The following HECTD2 variants were observed in gnomAD, a reference collection of about 807,000 sequenced individuals.
The protein encoded by HECTD2 is HECT domain E3 ubiquitin protein ligase 2.
In HECTD2, 35 loss-of-function variants were observed where a neutral mutation model predicts 103.2. The ratio of observed to expected loss-of-function variants is 0.34; its 90% CI spans 0.26 to 0.45. The LOEUF is 0.45. Among genes scored for constraint, HECTD2 ranks in the 20% least tolerant of loss-of-function variants. The pLI is 1.00. For synonymous variants in HECTD2, 281 were observed against 329.9 expected (o/e 0.85, Z 1.61); for missense variants, 596 against 937.4 (o/e 0.64, Z 4.76).
Position 91,513,361 on chromosome 10 carries a change from AAGAT to A in HECTD2, c.*980_*983del, listed in dbSNP as rs1258848111. ...TGTACCAAAACACTAATTTTTGAAAAAGATAGGTTAAAGTATTTGACAAAAGTGA... is the reference window on the plus strand; with the variant it reads ...TGTACCAAAACACTAATTTTTGAAAAAGGTTAAAGTATTTGACAAAAGTGA... On this transcript the variant is annotated 3_prime_UTR_variant, in exon 21 of 21. Coordinates refer to ENST00000298068, the MANE Select transcript of HECTD2 (RefSeq NM_182765.6). 11 of 152,634 alleles carry A rather than the reference AAGAT, an allele frequency of 7.2e-5. No homozygotes were observed. Among genetic ancestry groups the A allele is most frequent in the African/African-American group, 2.7e-4 (11 of 41,458 alleles). The allele number at this position is 152,634 out of a possible 1,614,324, so 9.5% of individuals were successfully genotyped here.
intron 2 of HECTD2, among the ~76,000 whole-genome samples, chr10:91,439,498 GT>G (rs1468493742): frequency 1.1e-4 from 16 of 152,088 alleles, no homozygotes; most frequent in African/African-American, 3.9e-4. Context: ...TTGTAGTATA[GT>G]TTGCAGTCAG....
Position 91,410,555 on chromosome 10 carries a change from G to C in HECTD2, c.117G>C (p.Ser39=). ...SEREKLPPIV[S]AGAGATAGLD... ...GCGAGAAGCTGCCGCCCATCGTATCGGCGGGCGCCGGCGCGACCGCGGTAG... is the reference window on the plus strand; with the variant it reads ...GCGAGAAGCTGCCGCCCATCGTATCCGCGGGCGCCGGCGCGACCGCGGTAG... Residue 39 remains serine (S), a synonymous_variant, in exon 1 of 21, where the codon TCG becomes TCC. Transcript: ENST00000298068. The C allele has an allele frequency of 6.9e-7, 1 of 1,439,820 alleles. No homozygotes were observed. Among genetic ancestry groups the C allele is most frequent in the African/African-American group, 1.5e-5 (1 of 67,938 alleles). 89.2% of individuals were successfully genotyped at this position (1,439,820 alleles called of 1,614,324 possible).
intron 5 of HECTD2, among the ~76,000 whole-genome samples, chr10:91,466,193 A>G (rs951467273): frequency 1.1e-4 from 16 of 152,108 alleles, no homozygotes; most frequent in Non-Finnish European, 2.9e-5. Flanking sequence ...TATCTAGGTT[A>G]TCAAATTTGT....
chr10:91,461,580 A>G (rs939707274), intron 4 of HECTD2, among the ~76,000 whole-genome samples: 3 of 151,888 alleles, frequency 2.0e-5, no homozygotes, highest in African/African-American at 7.3e-5. Context: ...ATGGAGTCTC[A>G]CTCTGTTGCC....
chr10:91,421,604 G>C (rs996616713), intron 1 of HECTD2, among the ~76,000 whole-genome samples: 1 of 152,172 alleles, frequency 6.6e-6, no homozygotes, highest in African/African-American at 2.4e-5. Context: ...TGGGGGCTGT[G>C]GGTTGGACAA....
At chr10:91,469,435 T>C (rs556758030) in intron 5 of HECTD2, among the ~76,000 whole-genome samples, 6 of 152,294 alleles carry the variant, frequency 3.9e-5, no homozygotes, top group East Asian at 1.9e-4. Flanking sequence ...ACAGAAGAGA[T>C]TGGGAGCCTA....
chr10:91,467,531 G>T (rs1000146243), intron 5 of HECTD2, among the ~76,000 whole-genome samples: 2 of 152,004 alleles, frequency 1.3e-5, no homozygotes, highest in Non-Finnish European at 2.9e-5. Context: ...GTGCACCCTC[G>T]ATGCCCAACC....
At chr10:91,432,320 T>C (rs1399632170) in intron 2 of HECTD2, among the ~76,000 whole-genome samples, 1 of 151,932 alleles carries the variant, frequency 6.6e-6, no homozygotes, top group African/African-American at 2.4e-5. Context: ...CTTCAAGTGA[T>C]ATTAGGGAAA....
intron 2 of HECTD2, among the ~76,000 whole-genome samples, chr10:91,456,962 G>A (rs918729544): frequency 6.6e-6 from 1 of 151,998 alleles, no homozygotes; most frequent in Admixed American, 6.6e-5. Context: ...ACAGAAAAAG[G>A]TAGATTGTCA....
chr10:91,458,424 A>T (rs889777154), intron 2 of HECTD2, among the ~76,000 whole-genome samples: 1 of 151,980 alleles, frequency 6.6e-6, no homozygotes, highest in Non-Finnish European at 1.5e-5. Flanking sequence ...GTTGATATAG[A>T]TAAGATTATT....
At chr10:91,411,385 T>A (rs1842912449) in intron 1 of HECTD2, among the ~76,000 whole-genome samples, 1 of 152,246 alleles carries the variant, frequency 6.6e-6, no homozygotes, top group Admixed American at 6.5e-5. Flanking sequence ...TGCAATTTTT[T>A]ATTTTGACAT....
At position 91,498,917 on chromosome 10, in the gene HECTD2, C is replaced by T. The variant is rs1410860397; in HGVS notation, c.1801C>T (p.Pro601Ser). The T allele has an allele frequency of 6.2e-7, 1 of 1,606,686 alleles. No individual in the cohort carries two copies. The highest frequency in any genetic ancestry group is 1.1e-5 in the South Asian group (1 of 90,282). ...FGIIKSYNLKPGGDKISVTNQ... is the reference protein window; with the variant it reads ...FGIIKSYNLKSGGDKISVTNQ... ...AATAATCAAGTCCTATAATTTAAAG[C>T]CCGGTGGTGATAAAATTTCAGTTAC... Residue 601 changes from proline (P) to serine (S), a missense_variant, in exon 17 of 21, where the codon CCC (proline) becomes TCC (serine). By Grantham distance (74) the Pro-to-Ser change is moderately conservative (BLOSUM62 -1). This residue lies in a region of HECTD2 where 303 missense variants were observed against 522.5 expected (regional missense o/e 0.58). Coordinates refer to ENST00000298068, the MANE Select transcript of HECTD2 (RefSeq NM_182765.6).
intron 2 of HECTD2, among the ~76,000 whole-genome samples, chr10:91,456,794 C>G (rs1845117441): frequency 6.6e-6 from 1 of 151,534 alleles, no homozygotes; most frequent in South Asian, 2.1e-4. Context: ...CTTTAGCTCA[C>G]GGACGTAGGA....
chr10:91,450,001 C>T (rs1844729778), intron 2 of HECTD2, among the ~76,000 whole-genome samples: 1 of 152,162 alleles, frequency 6.6e-6, no homozygotes, highest in Admixed American at 6.5e-5. Flanking sequence ...CTACCACTGA[C>T]TTTCTTCACA....
At position 91,507,109 on chromosome 10, in the gene HECTD2, T is replaced by C. The variant is rs952945874; in HGVS notation, c.2211-5155T>C. On this transcript the variant is annotated intron_variant, in intron 20 of 20. Coordinates refer to ENST00000298068, the MANE Select transcript of HECTD2 (RefSeq NM_182765.6). ...CTAAAAACTCCCAATAAATTAGGTATTGATGGGACATATTTCAAAATAATA... is the reference window on the plus strand; with the variant it reads ...CTAAAAACTCCCAATAAATTAGGTACTGATGGGACATATTTCAAAATAATA... Among the ~76,000 whole-genome samples the C allele has an allele frequency of 1.1e-4, 16 of 152,248 alleles. No individual in the cohort carries two copies. The South Asian group carries it at 2.3e-3, about 22-fold the overall frequency.
intron 5 of HECTD2, among the ~76,000 whole-genome samples, chr10:91,477,308 T>C (rs1243187305): frequency 6.6e-6 from 1 of 152,144 alleles, no homozygotes. Context: ...GTTTGAAATA[T>C]AGTTGTCTTG....
At chr10:91,410,660 C>T (rs1420123275) in intron 1 of HECTD2, 84 bp downstream of exon 1, 2 of 1,244,704 alleles carry the variant, frequency 1.6e-6, no homozygotes, top group Non-Finnish European at 2.0e-6. Context: ...GTCAGGAGGC[C>T]TGCGTTTACC....
chr10:91,430,641 C>CCCAGCACCA, intron 2 of HECTD2, among the ~76,000 whole-genome samples: 1 of 152,114 alleles, frequency 6.6e-6, no homozygotes, highest in South Asian at 2.1e-4. Context: ...TAATGGCCTT[C>CCCAGCACCA]TTTGTCTCTT....
At position 91,501,203 on chromosome 10, in the gene HECTD2, T is replaced by A. The variant is rs1363379040; in HGVS notation, c.2079T>A (p.Asp693Glu). 6.2e-7 allele frequency: 1 copy of A among 1,609,402 alleles called. No homozygotes were observed. The highest frequency in any genetic ancestry group is 8.5e-7 in the Non-Finnish European group (1 of 1,177,796). ...KTDLTIKYFWDVVLGFPLDLQ... is the reference protein window; with the variant it reads ...KTDLTIKYFWEVVLGFPLDLQ... ...TGGTATTCTCTAGATACTTTTGGGA[T>A]GTTGTGCTTGGATTTCCTCTTGATC... The change falls in exon 20 of 21, where the codon GAT (aspartate) becomes GAA (glutamate). Residue 693 changes from aspartate (D) to glutamate (E), a missense_variant. By Grantham distance (45) the Asp-to-Glu change is conservative. Coordinates refer to ENST00000298068, the MANE Select transcript of HECTD2 (RefSeq NM_182765.6).
Sources: allele counts gnomAD v4.1 joint callset (sites outside exome capture counted in the v4.1 genomes callset), GRCh38; gene constraint gnomAD v4.1.1; regional missense constraint gnomAD v4.1.1; transcripts MANE v1.5; gene names NCBI Gene and HGNC (gene_info 2026-07-23, HGNC 2026-07-21).